The following SEC22B variants were observed in gnomAD, a reference collection of about 807,000 sequenced individuals.
The protein encoded by SEC22B is SEC22 homolog B, vesicle trafficking protein.
SEC22B carries 10 observed loss-of-function variants against 31.4 expected under a neutral mutation model. That is an observed-to-expected ratio of 0.32 (90% CI 0.20 to 0.54). The LOEUF is 0.54. Among genes scored for constraint, SEC22B ranks in the 20% least tolerant of loss-of-function variants. SEC22B has a pLI of 0.94. For missense variants in SEC22B, 130 were observed against 263.4 expected (o/e 0.49, Z 3.50); for synonymous variants, 60 against 95.9 (o/e 0.63, Z 2.19).
Position 120,176,387 on chromosome 1 carries a change from C to T in SEC22B, c.-6G>A. 6.2e-7 allele frequency: 1 copy of T among 1,613,692 alleles called. No individual in the cohort carries two copies. Among genetic ancestry groups the T allele is most frequent in the Non-Finnish European group, 8.5e-7 (1 of 1,179,758 alleles). On this transcript the variant is annotated 5_prime_UTR_variant, in exon 1 of 5. It adds an upstream start codon to the 5' untranslated region. Transcript: ENST00000578049. ...ATCATTGTTAGCAACACCATCTTCA[C>T]AAACTACAGGGATCCAACACTGGCC...
chr1:120,165,982 G>A, intron 2 of SEC22B, among the ~76,000 whole-genome samples: 1 of 150,386 alleles, frequency 6.6e-6, no homozygotes, highest in East Asian at 1.9e-4. Flanking sequence ...AAGTAGGCAA[G>A]GAACAGAATT....
In SEC22B at chr1:120,152,895, T is replaced by C. The variant is rs1553228912; in HGVS notation, c.*4143A>G. ...AATCTACTTTAACTTGCTAGCTATG[T>C]GACCTTGGGCAAGCAAAGAAACTCC... On this transcript the variant is annotated 3_prime_UTR_variant, in exon 5 of 5. Coordinates refer to ENST00000578049, the MANE Select transcript of SEC22B (RefSeq NM_004892.6). 1 of 148,364 alleles carries C rather than the reference T, an allele frequency of 6.7e-6. No individual in the cohort carries two copies. The highest frequency in any genetic ancestry group is 1.5e-5 in the Non-Finnish European group (1 of 67,842). The allele number at this position is 148,364 out of a possible 1,614,324, so 9.2% of individuals were successfully genotyped here.
chr1:120,176,388 A>G lies in SEC22B; in HGVS notation c.-7T>C. The G allele has an allele frequency of 1.2e-6, 2 of 1,613,600 alleles. No homozygotes were observed. Among genetic ancestry groups the G allele is most frequent in the African/African-American group, 2.7e-5 (2 of 75,050 alleles). On this transcript the variant is annotated 5_prime_UTR_variant, in exon 1 of 5. Coordinates refer to ENST00000578049, the MANE Select transcript of SEC22B (RefSeq NM_004892.6). ...TCATTGTTAGCAACACCATCTTCAC[A>G]AACTACAGGGATCCAACACTGGCCC...
At chr1:120,161,989 A>G (rs1333797063) in intron 3 of SEC22B, among the ~76,000 whole-genome samples, 2 of 138,326 alleles carry the variant, frequency 1.4e-5, no homozygotes, top group Non-Finnish European at 3.0e-5. Flanking sequence ...AGTAGGGAAG[A>G]AGGAGAACAG....
Position 120,151,357 on chromosome 1 carries a change from A to G in SEC22B, c.*5681T>C, listed in dbSNP as rs1420602693. ...AACAAGTATGTGATCTTTTATTCTA[A>G]AGAAAATGTAGTATGATTAGCACAC... On this transcript the variant is annotated 3_prime_UTR_variant, in exon 5 of 5. Coordinates refer to ENST00000578049, the MANE Select transcript of SEC22B (RefSeq NM_004892.6). The G allele has an allele frequency of 2.6e-5, 4 of 152,268 alleles. No individual in the cohort carries two copies. Among genetic ancestry groups the G allele is most frequent in the Non-Finnish European group, 4.4e-5 (3 of 68,074 alleles). 9.4% of individuals were successfully genotyped at this position (152,268 alleles called of 1,614,324 possible).
At chr1:120,170,472 C>T (rs1657878629) in intron 1 of SEC22B, among the ~76,000 whole-genome samples, 1 of 148,144 alleles carries the variant, frequency 6.8e-6, no homozygotes, top group African/African-American at 2.6e-5. Context: ...TAATAAGATT[C>T]TAAGCTATAT....
intron 2 of SEC22B, among the ~76,000 whole-genome samples, chr1:120,167,794 G>C (rs1488375534): frequency 6.6e-6 from 1 of 152,128 alleles, no homozygotes; most frequent in Non-Finnish European, 1.5e-5. Flanking sequence ...AAAGGAATCA[G>C]GCAGAAGAAA....
In SEC22B at chr1:120,172,254, A is replaced by G. The variant is rs1472786795; in HGVS notation, c.76-3305T>C. Among the ~76,000 whole-genome samples, 8 of 96,206 alleles carry G rather than the reference A, an allele frequency of 8.3e-5. 2 individuals carry two copies. The highest frequency in any genetic ancestry group is 6.7e-4 in the African/African-American group (8 of 11,970). 63.1% of individuals were successfully genotyped at this position (96,206 alleles called of 152,430 possible). Reference sequence around the variant, plus strand: ...AGACTCCATCTCAAAAAAAAAAAAAAGAAAGGCAAGATGGAATTAGAAAAG... The same window carrying G: ...AGACTCCATCTCAAAAAAAAAAAAAGGAAAGGCAAGATGGAATTAGAAAAG... On this transcript the variant is annotated intron_variant, in intron 1 of 4. Coordinates refer to ENST00000578049, the MANE Select transcript of SEC22B (RefSeq NM_004892.6).
In SEC22B at chr1:120,155,629, G is replaced by GT. The variant is rs1276515036; in HGVS notation, c.*1408dup. The GT allele has an allele frequency of 6.7e-6, 1 of 150,052 alleles. No individual in the cohort carries two copies. Among genetic ancestry groups the GT allele is most frequent in the Non-Finnish European group, 1.5e-5 (1 of 67,242 alleles). 9.3% of individuals were successfully genotyped at this position (150,052 alleles called of 1,614,324 possible). On this transcript the variant is annotated 3_prime_UTR_variant, in exon 5 of 5. Transcript: ENST00000578049. Reference sequence around the variant, plus strand: ...GTTATAAAATTGCTTACTGGTTAAAGTTTTTTGCCAAAGATATTAAGAAAT... The same window carrying GT: ...GTTATAAAATTGCTTACTGGTTAAAGTTTTTTTGCCAAAGATATTAAGAAAT...
chr1:120,161,032 C>T (rs1321058303), intron 3 of SEC22B, among the ~76,000 whole-genome samples: 4 of 152,106 alleles, frequency 2.6e-5, no homozygotes, highest in South Asian at 2.1e-4. Context: ...TATAATTAGA[C>T]GACCATTCAG....
In SEC22B at chr1:120,151,572, A is replaced by AGGAGAATCACTTGAACCCGG. The variant is rs1237694176; in HGVS notation, c.*5446_*5465dup. 3 of 151,834 alleles carry AGGAGAATCACTTGAACCCGG rather than the reference A, an allele frequency of 2.0e-5. No homozygotes were observed. Among genetic ancestry groups the AGGAGAATCACTTGAACCCGG allele is most frequent in the African/African-American group, 7.3e-5 (3 of 41,258 alleles). 9.4% of individuals were successfully genotyped at this position (151,834 alleles called of 1,614,324 possible). A position where few individuals can be genotyped will look rare whatever the true frequency, so the allele number is the denominator to read the frequency against. ...TCCCAGCTACTCAGTAGGCTGAGGC[A>AGGAGAATCACTTGAACCCGG]GGAGAATCACTTGAACCCGGGAGGT... On this transcript the variant is annotated 3_prime_UTR_variant, in exon 5 of 5. Transcript: ENST00000578049.
Position 120,176,391 on chromosome 1 carries a change from C to T in SEC22B, c.-10G>A. 6.2e-7 allele frequency: 1 copy of T among 1,613,574 alleles called. No individual in the cohort carries two copies. Reference sequence around the variant, plus strand: ...TTGTTAGCAACACCATCTTCACAAACTACAGGGATCCAACACTGGCCCGGA... The same window carrying T: ...TTGTTAGCAACACCATCTTCACAAATTACAGGGATCCAACACTGGCCCGGA... On this transcript the variant is annotated 5_prime_UTR_variant, in exon 1 of 5. Transcript: ENST00000578049.
chr1:120,152,551 AAC>A lies in SEC22B; in HGVS notation c.*4485_*4486del, dbSNP rs1425624613. ...AAATTTTAGTGAATCAGATGTGGAA[AAC>A]AGTTGGATTAACATTGAGATCAAAT... On this transcript the variant is annotated 3_prime_UTR_variant, in exon 5 of 5. Coordinates refer to ENST00000578049, the MANE Select transcript of SEC22B (RefSeq NM_004892.6). 1 of 151,484 alleles carries A rather than the reference AAC, an allele frequency of 6.6e-6. No individual in the cohort carries two copies. Among genetic ancestry groups the A allele is most frequent in the Non-Finnish European group, 1.5e-5 (1 of 67,922 alleles). 9.4% of individuals were successfully genotyped at this position (151,484 alleles called of 1,614,324 possible). A position where few individuals can be genotyped will look rare whatever the true frequency, so the allele number is the denominator to read the frequency against.
rs1314396649 is a variant in SEC22B at position 120,156,243 on chromosome 1, C to T, written c.*795G>A. 1 of 152,134 alleles carries T rather than the reference C, an allele frequency of 6.6e-6. No individual in the cohort carries two copies. Among genetic ancestry groups the T allele is most frequent in the Non-Finnish European group, 1.5e-5 (1 of 68,000 alleles). The allele number at this position is 152,134 out of a possible 1,614,324, so 9.4% of individuals were successfully genotyped here. A position where few individuals can be genotyped will look rare whatever the true frequency, so the allele number is the denominator to read the frequency against. On this transcript the variant is annotated 3_prime_UTR_variant, in exon 5 of 5. Transcript: ENST00000578049. The stretch of plus-strand genomic sequence containing the variant: ...CATGAAGCCAGGGGCCTCTCCATAT[C>T]CTATACTTGCTCTTACGCTAATAAC...
rs1220124360 is a variant in SEC22B at position 120,167,338 on chromosome 1, G to A, written c.185+1502C>T. Among the ~76,000 whole-genome samples the A allele has an allele frequency of 1.4e-4, 22 of 151,926 alleles. No individual in the cohort carries two copies. In the South Asian group the frequency reaches 2.5e-3, roughly 17 times the overall value. Reference sequence around the variant, plus strand: ...CATATATTTTAATAAACCAAATGGCGGACTGTTCTCCAACATGCTAGGTTC... The same window carrying A: ...CATATATTTTAATAAACCAAATGGCAGACTGTTCTCCAACATGCTAGGTTC... On this transcript the variant is annotated intron_variant, in intron 2 of 4. Coordinates refer to ENST00000578049, the MANE Select transcript of SEC22B (RefSeq NM_004892.6).
intron 1 of SEC22B, among the ~76,000 whole-genome samples, chr1:120,175,519 C>T (rs1479129592): frequency 2.2e-4 from 34 of 151,936 alleles, no homozygotes; most frequent in African/African-American, 7.7e-4. Context: ...CCCAAGCTTG[C>T]TCCAGAAACT....
intron 1 of SEC22B, among the ~76,000 whole-genome samples, chr1:120,175,260 G>A (rs1157809343): frequency 1.7e-3 from 82 of 49,112 alleles, no homozygotes; most frequent in Non-Finnish European, 2.5e-3. Context: ...GCTCCACAAA[G>A]GTAGAGACTG....
chr1:120,167,259 A>T (rs1401439129), intron 2 of SEC22B, among the ~76,000 whole-genome samples: 2 of 151,080 alleles, frequency 1.3e-5, no homozygotes, highest in African/African-American at 4.9e-5. Flanking sequence ...ATAAAATCAT[A>T]CTCCATGGTA....
chr1:120,176,077 G>C (rs1657955935), intron 1 of SEC22B, among the ~76,000 whole-genome samples: 1 of 152,176 alleles, frequency 6.6e-6, no homozygotes, highest in African/African-American at 2.4e-5. Context: ...CTTCTCCAGA[G>C]CGTTTTTCTA....
Sources: gnomAD v4.1 joint callset for allele counts (sites outside exome capture counted in the v4.1 genomes callset) on GRCh38, gnomAD v4.1.1 for gene constraint, MANE v1.5 for transcripts, NCBI Gene and HGNC (gene_info 2026-07-23, HGNC 2026-07-21) for gene names.